NCALD: variants seen among roughly 807,000 people sequenced by gnomAD.
NCALD encodes neurocalcin-delta.
A neutral mutation model predicts 18.6 loss-of-function variants in NCALD; 10 were observed. That is an observed-to-expected ratio of 0.54 (90% confidence interval 0.33 to 0.91). The LOEUF (loss-of-function observed/expected upper bound fraction) is 0.91. NCALD is among the 40% of genes least tolerant of loss of function. The pLI is 0.03. For missense variants in NCALD, 184 were observed against 247.6 expected (o/e 0.74, Z 1.72); for synonymous variants, 88 against 87.4 (o/e 1.01, Z -0.04).
At chr8:101,898,291 G>C (rs933554996) in intron 3 of NCALD, among the ~76,000 whole-genome samples, 10 of 152,030 alleles carry the variant, frequency 6.6e-5, no homozygotes, top group Admixed American at 3.9e-4. Flanking sequence ...CAGTAGCTAG[G>C]GATGCTGAAC....
At chr8:102,023,838 G>A (rs1027751652) in intron 1 of NCALD, among the ~76,000 whole-genome samples, 24 of 146,822 alleles carry the variant, frequency 1.6e-4, no homozygotes, top group Admixed American at 4.7e-4. Flanking sequence ...GCCTTGACCC[G>A]TCCTAGCTGT....
At chr8:102,069,115 G>A (rs952809424) in intron 1 of NCALD, among the ~76,000 whole-genome samples, 15 of 151,964 alleles carry the variant, frequency 9.9e-5, no homozygotes, top group Admixed American at 5.2e-4. Flanking sequence ...TTTAGGGATC[G>A]ATTGCACAGT....
chr8:101,860,169 C>A (rs1421253549), intron 4 of NCALD, among the ~76,000 whole-genome samples: 1 of 152,080 alleles, frequency 6.6e-6, no homozygotes, highest in African/African-American at 2.4e-5. Flanking sequence ...TGGACCATGA[C>A]AAATATCTTT....
In NCALD at chr8:101,918,818, C is replaced by T. The variant is rs1330943606; in HGVS notation, c.-156-2960G>A. ...TAACCAAGGAAGTGAAAGATCTCTA[C>T]AAGGAAAACTACAAGACATTGCCAA... On this transcript the variant is annotated intron_variant, in intron 2 of 6. Transcript: ENST00000311028. 2.0e-5 allele frequency among the ~76,000 whole-genome samples: 3 copies of T among 151,244 alleles called. No homozygotes were observed. The East Asian group carries it at 5.8e-4, about 29-fold the overall frequency.
chr8:101,910,335 G>T (rs1817748989), intron 3 of NCALD, among the ~76,000 whole-genome samples: 1 of 139,004 alleles, frequency 7.2e-6, no homozygotes, highest in South Asian at 2.1e-4. Flanking sequence ...AGAGGAGGAG[G>T]TATGAGGGAT....
intron 4 of NCALD, among the ~76,000 whole-genome samples, chr8:101,828,469 A>G (rs1814031948): frequency 6.6e-6 from 1 of 151,140 alleles, no homozygotes; most frequent in South Asian, 2.1e-4. Context: ...TCACTCTCTC[A>G]CCTATTTGGG....
At chr8:101,978,263 T>C (rs73281304) in intron 2 of NCALD, among the ~76,000 whole-genome samples, 2,343 of 152,320 alleles carry the variant, frequency 0.015, 49 homozygotes, top group African/African-American at 0.048. Context: ...TATCCTTTAG[T>C]TAAGCAAATG....
intron 1 of NCALD, among the ~76,000 whole-genome samples, chr8:102,036,092 C>T (rs1822852138): frequency 6.6e-6 from 1 of 151,192 alleles, no homozygotes; most frequent in Non-Finnish European, 1.5e-5. Flanking sequence ...AGTTCAAAAC[C>T]AGTCTGGTCA....
At chr8:101,701,382 G>A (rs772601603) in intron 2 of NCALD, among the ~76,000 whole-genome samples, 3 of 152,128 alleles carry the variant, frequency 2.0e-5, no homozygotes, top group Non-Finnish European at 4.4e-5. Flanking sequence ...GTCTAGCAGG[G>A]TCATCCTGTT....
chr8:101,741,953 A>AAG (rs1481910037), intron 1 of NCALD, among the ~76,000 whole-genome samples: 33 of 79,182 alleles, frequency 4.2e-4, no homozygotes, highest in Non-Finnish European at 9.9e-4. Flanking sequence ...AAAAAAAAAA[A>AAG]GAAAAGAAAA....
chr8:101,998,238 T>C (rs1821311313), intron 2 of NCALD, among the ~76,000 whole-genome samples: 1 of 152,222 alleles, frequency 6.6e-6, no homozygotes, highest in Non-Finnish European at 1.5e-5. Flanking sequence ...TAAAACTGAC[T>C]CTTTTTTAAA....
chr8:101,749,863 C>T (rs1354776343), intron 1 of NCALD: 1 of 152,262 alleles, frequency 6.6e-6, no homozygotes, highest in Non-Finnish European at 1.5e-5. Flanking sequence ...TCTTCCTCAT[C>T]CCTTTTACTT....
intron 1 of NCALD, among the ~76,000 whole-genome samples, chr8:101,784,508 A>C (rs1225464279): frequency 1.3e-5 from 2 of 152,200 alleles, no homozygotes; most frequent in Non-Finnish European, 2.9e-5. Context: ...AGATTCTAGA[A>C]GAACATATGG....
chr8:102,121,571 T>C (rs150181584), intron 1 of NCALD, among the ~76,000 whole-genome samples: 1 of 152,306 alleles, frequency 6.6e-6, no homozygotes, highest in East Asian at 1.9e-4. Context: ...CCCATGTGTG[T>C]TATAAACTTC....
intron 2 of NCALD, among the ~76,000 whole-genome samples, chr8:101,708,690 AC>A (rs1050122008): frequency 6.6e-6 from 1 of 152,170 alleles, no homozygotes; most frequent in African/African-American, 2.4e-5. Flanking sequence ...ATGTTCAGTA[AC>A]TTGTACAAGG....
intron 1 of NCALD, among the ~76,000 whole-genome samples, chr8:102,046,335 T>C (rs890997337): frequency 6.6e-6 from 1 of 152,222 alleles, no homozygotes; most frequent in Non-Finnish European, 1.5e-5. Context: ...ACATTCATGC[T>C]CATGTATGTA....
intron 1 of NCALD, among the ~76,000 whole-genome samples, chr8:102,021,114 C>T (rs1056035800): frequency 6.6e-6 from 1 of 152,184 alleles, no homozygotes; most frequent in East Asian, 1.9e-4. Flanking sequence ...TACAAATATA[C>T]ATTCAGTATT....
intron 3 of NCALD, among the ~76,000 whole-genome samples, chr8:101,912,464 A>G (rs370057580): frequency 2.0e-5 from 3 of 152,236 alleles, no homozygotes; most frequent in Non-Finnish European, 4.4e-5. Flanking sequence ...GCAGTCTCCA[A>G]ATCTTTTTCT....
intron 1 of NCALD, among the ~76,000 whole-genome samples, chr8:102,039,292 C>G (rs1822971139): frequency 6.6e-6 from 1 of 152,112 alleles, no homozygotes; most frequent in East Asian, 1.9e-4. Context: ...TGGTAATTTT[C>G]TTACACAGCA....
Sources: gnomAD v4.1 joint callset for allele counts (sites outside exome capture counted in the v4.1 genomes callset) on GRCh38, gnomAD v4.1.1 for gene constraint, MANE v1.5 for transcripts, NCBI Gene and HGNC (gene_info 2026-07-23, HGNC 2026-07-21) for gene names.